CRMP1: variants seen among roughly 807,000 people sequenced by gnomAD.
CRMP1 encodes the protein dihydropyrimidinase-related protein 1.
In CRMP1, 19 loss-of-function variants were observed where a neutral mutation model predicts 68.3. The ratio of observed to expected loss-of-function variants is 0.28; its 90% CI spans 0.19 to 0.41. CRMP1 has a LOEUF of 0.41. CRMP1 is among the 10% of genes least tolerant of loss of function. CRMP1 has a pLI of 1.00. For missense variants in CRMP1, 791 were observed against 967.4 expected (o/e 0.82, Z 2.42); for synonymous variants, 439 against 399.6 (o/e 1.10, Z -1.18).
rs1421517714 is a variant in CRMP1 at position 5,846,616 on chromosome 4, G to A, written c.963+2776C>T. ...CCAAAATTCTTTTTTTTTTTAAGAC[G>A]GGGTCTCACTGTCACCCAGGCTGGA... On this transcript the variant is annotated intron_variant, in intron 6 of 13. Coordinates refer to ENST00000324989, the MANE Select transcript of CRMP1 (RefSeq NM_001014809.3). Among the ~76,000 whole-genome samples the A allele has an allele frequency of 4.0e-5, 6 of 150,882 alleles. No individual in the cohort carries two copies. The East Asian group carries it at 9.8e-4, about 25-fold the overall frequency.
chr4:5,824,475 C>T (rs1719211879), intron 13 of CRMP1: 1 of 985,242 alleles, frequency 1.0e-6, no homozygotes, highest in Non-Finnish European at 1.2e-6. Context: ...TCTGAATTCA[C>T]ACGTCATCCT....
In CRMP1 at chr4:5,889,881, A is replaced by G. The variant is rs1715859649; in HGVS notation, c.381+2708T>C. The G allele has an allele frequency of 7.0e-6, 10 of 1,424,174 alleles. No homozygotes were observed. The South Asian group carries it at 1.2e-4, about 17-fold the overall frequency. 88.2% of individuals were successfully genotyped at this position (1,424,174 alleles called of 1,614,324 possible). On this transcript the variant is annotated intron_variant, in intron 1 of 13. Coordinates refer to ENST00000324989, the MANE Select transcript of CRMP1 (RefSeq NM_001014809.3). This position sits in a 1 kb window ranked among gnomAD's most constrained non-coding sequence, Gnocchi z 4.5. ...AGGTGAGGTTTTAGCTTCACAGAGA[A>G]GCCAGCTCAGTATCCCAGGAACACT...
rs1324338625 is a variant in CRMP1, at chr4:5,850,334, C to T, written c.883-862G>A. Among the ~76,000 whole-genome samples the T allele has an allele frequency of 6.6e-6, 1 of 152,204 alleles. No individual in the cohort carries two copies. Among genetic ancestry groups the T allele is most frequent in the Non-Finnish European group, 1.5e-5 (1 of 68,044 alleles). Reference sequence around the variant, plus strand: ...CATGGCTCCAGTAGTTAGAATGAAACAGGTGAAAATCACAATTATGCCAGC... The same window carrying T: ...CATGGCTCCAGTAGTTAGAATGAAATAGGTGAAAATCACAATTATGCCAGC... On this transcript the variant is annotated intron_variant, in intron 5 of 13. Transcript: ENST00000324989. The surrounding 1 kb of genome is among the most constrained non-coding windows in gnomAD (Gnocchi z 4.4).
At position 5,851,426 on chromosome 4, in the gene CRMP1, G is replaced by A. The variant is rs541788772; in HGVS notation, c.864C>T (p.Tyr288=). The stretch of plus-strand genomic sequence containing the variant: ...GACCTACCTGGCTGTCGGACATTTG[G>A]TAGACATCCTTATAGGCCATGTAGA... ...FQVYMAYKDV[Y]QMSDSQLYEA... Residue 288 remains tyrosine, a synonymous_variant, in exon 5 of 14, where the codon TAC becomes TAT. Transcript: ENST00000324989. The A allele has an allele frequency of 1.7e-5, 27 of 1,614,188 alleles. No individual in the cohort carries two copies. The South Asian group carries it at 2.9e-4, about 17-fold the overall frequency.
chr4:5,842,618 TCA>T lies in CRMP1; in HGVS notation c.1032+473_1032+474del, dbSNP rs1711850175. On this transcript the variant is annotated intron_variant, in intron 7 of 13. Transcript: ENST00000324989. The surrounding 1 kb of genome is among the most constrained non-coding windows in gnomAD (Gnocchi z 4.5). The stretch of plus-strand genomic sequence containing the variant: ...CTCTCTCACACACACACACACACAC[TCA>T]CTCACACACACACACACGCACTGTC... Among the ~76,000 whole-genome samples, 2 of 138,416 alleles carry T rather than the reference TCA, an allele frequency of 1.4e-5. No homozygotes were observed. Among genetic ancestry groups the T allele is most frequent in the South Asian group, 2.4e-4 (1 of 4,108 alleles). 90.8% of individuals were successfully genotyped at this position (138,416 alleles called of 152,430 possible).
At chr4:5,886,706 G>A (rs545503242) in intron 1 of CRMP1, among the ~76,000 whole-genome samples, 5 of 152,198 alleles carry the variant, frequency 3.3e-5, no homozygotes, top group Admixed American at 6.5e-5. Flanking sequence ...GCATCACCCC[G>A]ACCCCATCAC....
chr4:5,824,579 A>G lies in CRMP1; in HGVS notation c.1969+915T>C, dbSNP rs573225641. 98 of 969,372 alleles carry G rather than the reference A, an allele frequency of 1.0e-4. 1 individual carries two copies. The Middle Eastern group carries it at 2.1e-3, about 21-fold the overall frequency. 60.0% of individuals were successfully genotyped at this position (969,372 alleles called of 1,614,324 possible). The stretch of plus-strand genomic sequence containing the variant: ...ATTAGCAAACGGGTCCATTGACCAA[A>G]TCCGGCCCACCGCCTGTTTCTGTAC... On this transcript the variant is annotated intron_variant, in intron 13 of 13. Transcript: ENST00000324989.
At chr4:5,880,940 G>C (rs1165087407) in intron 1 of CRMP1, among the ~76,000 whole-genome samples, 2 of 152,204 alleles carry the variant, frequency 1.3e-5, no homozygotes, top group Non-Finnish European at 2.9e-5. Context: ...AGGAGAATCA[G>C]ACAATTTCCC....
In CRMP1 at chr4:5,841,193, C is replaced by T. The variant is rs1711696192; in HGVS notation, c.1153+115G>A. On this transcript the variant is annotated intron_variant, in intron 8 of 13. Transcript: ENST00000324989. This position sits in a 1 kb window ranked among gnomAD's most constrained non-coding sequence, Gnocchi z 6.9. Reference sequence around the variant, plus strand: ...CCTTGTGTCAGGAGCATCCCCGCTCCACCCCTCCCTCCTCCGGCTGCCTGT... The same window carrying T: ...CCTTGTGTCAGGAGCATCCCCGCTCTACCCCTCCCTCCTCCGGCTGCCTGT... 1 of 1,533,162 alleles carries T rather than the reference C, an allele frequency of 6.5e-7. No individual in the cohort carries two copies. The highest frequency in any genetic ancestry group is 9.0e-7 in the Non-Finnish European group (1 of 1,115,126). 95.0% of individuals were successfully genotyped at this position (1,533,162 alleles called of 1,614,324 possible). A position where few individuals can be genotyped will look rare whatever the true frequency, so the allele number is the denominator to read the frequency against.
intron 1 of CRMP1, among the ~76,000 whole-genome samples, chr4:5,868,287 A>ATATCTATATATATATATATATATATATC (rs2152470556): frequency 8.0e-6 from 1 of 124,916 alleles, no homozygotes; most frequent in African/African-American, 2.7e-5. Flanking sequence ...ATATATATAT[A>ATATCTATATATATATATATATATATATC]TATATATATA....
At chr4:5,827,807 A>G (rs1445600682) in intron 12 of CRMP1, among the ~76,000 whole-genome samples, 3 of 152,050 alleles carry the variant, frequency 2.0e-5, no homozygotes, top group Non-Finnish European at 4.4e-5. Context: ...AGCAGCTGCC[A>G]TGGGGATGGG....
chr4:5,840,581 T>A lies in CRMP1; in HGVS notation c.1153+727A>T, dbSNP rs138522222. ...CCAACCAGCAACCACCGGCCACATGTGGCTGTTAAGCTGGTGTGGCTGGTG... is the reference window on the plus strand; with the variant it reads ...CCAACCAGCAACCACCGGCCACATGAGGCTGTTAAGCTGGTGTGGCTGGTG... On this transcript the variant is annotated intron_variant, in intron 8 of 13. Coordinates refer to ENST00000324989, the MANE Select transcript of CRMP1 (RefSeq NM_001014809.3). Among the ~76,000 whole-genome samples the A allele has an allele frequency of 9.3e-4, 141 of 152,358 alleles. 1 individual carries two copies. Among genetic ancestry groups the A allele is most frequent in the African/African-American group, 3.3e-3 (136 of 41,586 alleles).
chr4:5,868,261 CTATATATATATATATATATATATA>C (rs60816757), intron 1 of CRMP1, among the ~76,000 whole-genome samples: 9,252 of 111,582 alleles, frequency 0.083, 507 homozygotes, highest in South Asian at 0.17. Context: ...GACTATATAT[CTATATATATATATATATATATATA>C]TATATATATA....
At chr4:5,863,114 C>T (rs1408428379) in intron 2 of CRMP1, among the ~76,000 whole-genome samples, 3 of 98,078 alleles carry the variant, frequency 3.1e-5, no homozygotes, top group Non-Finnish European at 2.5e-5. Flanking sequence ...TTCTTTTTTT[C>T]CTTTTTTTTT....
At position 5,855,479 on chromosome 4, in the gene CRMP1, G is replaced by T. The variant is rs764000798; in HGVS notation, c.820+664C>A. Among the ~76,000 whole-genome samples, 1 of 151,968 alleles carries T rather than the reference G, an allele frequency of 6.6e-6. No individual in the cohort carries two copies. The highest frequency in any genetic ancestry group is 1.9e-4 in the East Asian group (1 of 5,180). On this transcript the variant is annotated intron_variant, in intron 4 of 13. Transcript: ENST00000324989. The surrounding 1 kb of genome is among the most constrained non-coding windows in gnomAD (Gnocchi z 4.9). ...TCTTCTGATCAGTTCCCCCCAGTTC[G>T]ATGTAACACACACCATAAAGGTCTA...
Position 5,825,397 on chromosome 4 carries a change from T to C in CRMP1, c.1969+97A>G. 2 of 1,471,148 alleles carry C rather than the reference T, an allele frequency of 1.4e-6. No individual in the cohort carries two copies. The highest frequency in any genetic ancestry group is 1.8e-6 in the Non-Finnish European group (2 of 1,117,686). The allele number at this position is 1,471,148 out of a possible 1,614,324, so 91.1% of individuals were successfully genotyped here. Reference sequence around the variant, plus strand: ...CTCCCTTCCCTGCTTCTTCATCTAGTGTCCAAGGCCACGTGTCCATTTCCT... The same window carrying C: ...CTCCCTTCCCTGCTTCTTCATCTAGCGTCCAAGGCCACGTGTCCATTTCCT... On this transcript the variant is annotated intron_variant, in intron 13 of 13. Coordinates refer to ENST00000324989, the MANE Select transcript of CRMP1 (RefSeq NM_001014809.3). This position sits in a 1 kb window ranked among gnomAD's most constrained non-coding sequence, Gnocchi z 4.4.
rs1177187253 is a variant in CRMP1 at position 5,884,522 on chromosome 4, C to G, written c.381+8067G>C. Among the ~76,000 whole-genome samples the G allele has an allele frequency of 3.3e-5, 5 of 151,216 alleles. No individual in the cohort carries two copies. In the East Asian group the frequency reaches 9.7e-4, roughly 29 times the overall value. Reference sequence around the variant, plus strand: ...GGCAGTGGTTTTCCTAGCACGCAGACCAGCCCACCTATCCTCCCTGCTTGA... The same window carrying G: ...GGCAGTGGTTTTCCTAGCACGCAGAGCAGCCCACCTATCCTCCCTGCTTGA... On this transcript the variant is annotated intron_variant, in intron 1 of 13. Transcript: ENST00000324989.
At position 5,881,330 on chromosome 4, in the gene CRMP1, C is replaced by T. The variant is rs1216353252; in HGVS notation, c.381+11259G>A. Among the ~76,000 whole-genome samples the T allele has an allele frequency of 2.0e-5, 3 of 152,188 alleles. No homozygotes were observed. The highest frequency in any genetic ancestry group is 7.2e-5 in the African/African-American group (3 of 41,440). ...TCTCAGAGCAAAGCTATGATTTGGT[C>T]ATTACAGCTCTCTAGGGCAATGGTT... On this transcript the variant is annotated intron_variant, in intron 1 of 13. Transcript: ENST00000324989. The surrounding 1 kb of genome is among the most constrained non-coding windows in gnomAD (Gnocchi z 4.6).
At chr4:5,847,339 G>A (rs1712297694) in intron 6 of CRMP1, among the ~76,000 whole-genome samples, 1 of 152,168 alleles carries the variant, frequency 6.6e-6, no homozygotes, top group African/African-American at 2.4e-5. Flanking sequence ...ATGCTGTTAT[G>A]AGATTTTGGA....
Sources: allele counts gnomAD v4.1 joint callset (sites outside exome capture counted in the v4.1 genomes callset), GRCh38; gene constraint gnomAD v4.1.1; non-coding constraint Gnocchi (gnomAD v3.1); transcripts MANE v1.5; gene names NCBI Gene and HGNC (gene_info 2026-07-23, HGNC 2026-07-21).